Variants in CWC27 observed in about 807,000 individuals in gnomAD.
The protein encoded by CWC27 is CWC27 spliceosome associated cyclophilin, also known as spliceosome-associated protein CWC27 homolog.
Under a neutral mutation model 63.6 loss-of-function variants are expected in CWC27, and 47 were observed. The observed-to-expected ratio is 0.74, with a 90% CI of 0.58 to 0.94. The LOEUF is 0.94. Among genes scored for constraint, CWC27 ranks in the 40% least tolerant of loss-of-function variants. The pLI, the probability that CWC27 is intolerant of heterozygous loss-of-function variation, is 0.00. For synonymous variants in CWC27, 175 were observed against 179.8 expected, an observed-to-expected ratio of 0.97 and a Z score of 0.22; for missense variants, 495 against 554.3, an observed-to-expected ratio of 0.89 and a Z score of 1.07.
At chr5:64,885,799 T>G (rs956724454) in intron 11 of CWC27, among the ~76,000 whole-genome samples, 3 of 150,622 alleles carry the variant, frequency 2.0e-5, no homozygotes, top group African/African-American at 7.3e-5. Flanking sequence ...GAAATTTGTC[T>G]AAGAAGTAAA....
intron 11 of CWC27, among the ~76,000 whole-genome samples, chr5:64,929,385 G>A (rs181096442): frequency 1.6e-4 from 25 of 152,200 alleles, no homozygotes; most frequent in South Asian, 1.5e-3. Context: ...GGGAGAGGGC[G>A]GAAGAGTGCT....
chr5:64,969,133 C>T (rs144499124), intron 11 of CWC27, among the ~76,000 whole-genome samples: 2 of 152,226 alleles, frequency 1.3e-5, no homozygotes, highest in African/African-American at 4.8e-5. Context: ...CAAGAAGATG[C>T]GTGTGAAACA....
At chr5:65,014,866 G>T (rs2968206) in intron 13 of CWC27, among the ~76,000 whole-genome samples, 131,324 of 152,186 alleles carry the variant, frequency 0.86, 56,818 homozygotes, top group African/African-American at 0.93. Flanking sequence ...GATTATGCTT[G>T]TATTTCTATT....
chr5:64,942,147 T>C (rs1264128933), intron 11 of CWC27, among the ~76,000 whole-genome samples: 3 of 151,996 alleles, frequency 2.0e-5, no homozygotes, highest in Non-Finnish European at 2.9e-5. Flanking sequence ...AAATATTGCC[T>C]GGGTGCAATG....
At chr5:64,905,789 A>G (rs939001850) in intron 11 of CWC27, among the ~76,000 whole-genome samples, 3 of 151,700 alleles carry the variant, frequency 2.0e-5, no homozygotes, top group African/African-American at 7.3e-5. Flanking sequence ...TTAACTTGTC[A>G]TTTATGTTAG....
At chr5:64,963,126 T>A in intron 11 of CWC27, among the ~76,000 whole-genome samples, 1 of 151,474 alleles carries the variant, frequency 6.6e-6, no homozygotes, top group Admixed American at 6.6e-5. Flanking sequence ...CCCAGCTAAT[T>A]TTTTTTTGTA....
intron 10 of CWC27, among the ~76,000 whole-genome samples, chr5:64,806,688 AAATC>A (rs1744684918): frequency 6.6e-6 from 1 of 152,132 alleles, no homozygotes; most frequent in Non-Finnish European, 1.5e-5. Flanking sequence ...AAAGTTGCCA[AAATC>A]AGACCCTGGC....
chr5:64,810,955 A>C (rs1027771743), intron 10 of CWC27, among the ~76,000 whole-genome samples: 45 of 152,172 alleles, frequency 3.0e-4, no homozygotes, highest in Admixed American at 4.6e-4. Context: ...TTAGAGAAAG[A>C]AAATAAGATA....
At chr5:64,850,895 A>AT (rs1260442600) in intron 10 of CWC27, among the ~76,000 whole-genome samples, 3 of 151,998 alleles carry the variant, frequency 2.0e-5, no homozygotes, top group Non-Finnish European at 4.4e-5. Flanking sequence ...GGCTATCAAA[A>AT]AAAAGTAAAG....
intron 10 of CWC27, among the ~76,000 whole-genome samples, chr5:64,847,563 C>A (rs1188040221): frequency 6.6e-6 from 1 of 152,110 alleles, no homozygotes; most frequent in Non-Finnish European, 1.5e-5. Context: ...TTAAAACATT[C>A]CGTTCAACAG....
intron 11 of CWC27, among the ~76,000 whole-genome samples, chr5:64,960,463 G>A (rs1386486736): frequency 6.6e-6 from 1 of 151,962 alleles, no homozygotes; most frequent in East Asian, 1.9e-4. Context: ...TAATTGAAAT[G>A]TTAAATGTTA....
intron 11 of CWC27, among the ~76,000 whole-genome samples, chr5:64,888,233 G>A (rs1431949568): frequency 6.7e-6 from 1 of 148,172 alleles, no homozygotes; most frequent in African/African-American, 2.5e-5. Context: ...GCCAAAGCTG[G>A]AAAAATTTGA....
chr5:64,929,144 T>C (rs2112399988), intron 11 of CWC27, among the ~76,000 whole-genome samples: 1 of 152,194 alleles, frequency 6.6e-6, no homozygotes, highest in East Asian at 1.9e-4. Context: ...TGGGAATGGA[T>C]TGGTATATGT....
At chr5:65,012,092 C>A (rs1749971138) in intron 13 of CWC27, among the ~76,000 whole-genome samples, 1 of 152,120 alleles carries the variant, frequency 6.6e-6, no homozygotes, top group Non-Finnish European at 1.5e-5. Context: ...GGATTCATGT[C>A]TTTTTATGGT....
chr5:64,876,437 A>G (rs1280291409), intron 10 of CWC27, among the ~76,000 whole-genome samples: 1 of 152,112 alleles, frequency 6.6e-6, no homozygotes, highest in South Asian at 2.1e-4. Flanking sequence ...ATGTTGGGAA[A>G]TAGCAGGCTT....
At chr5:64,800,495 G>C (rs758501572) in intron 8 of CWC27, among the ~76,000 whole-genome samples, 168 bp downstream of exon 8, 19 of 152,176 alleles carry the variant, frequency 1.2e-4, no homozygotes, top group Non-Finnish European at 2.1e-4. Flanking sequence ...GCTTGATAGA[G>C]AGAAACAAAC....
chr5:64,925,567 A>G (rs2112395625), intron 11 of CWC27, among the ~76,000 whole-genome samples: 1 of 152,314 alleles, frequency 6.6e-6, no homozygotes. Flanking sequence ...AAAGGCTCTT[A>G]TTGGCCAGTG....
At chr5:64,961,249 G>A (rs562521274) in intron 11 of CWC27, among the ~76,000 whole-genome samples, 1 of 152,276 alleles carries the variant, frequency 6.6e-6, no homozygotes, top group South Asian at 2.1e-4. Flanking sequence ...ACTCACATGA[G>A]ACACTAGCTA....
chr5:64,842,194 A>G (rs534515329), intron 10 of CWC27, among the ~76,000 whole-genome samples: 2 of 152,290 alleles, frequency 1.3e-5, no homozygotes, highest in South Asian at 4.1e-4. Flanking sequence ...ATTTAGTACT[A>G]TCGGGTCCTA....
Sources: allele counts gnomAD v4.1 joint callset (sites outside exome capture counted in the v4.1 genomes callset), GRCh38; gene constraint gnomAD v4.1.1; transcripts MANE v1.5; gene names NCBI Gene and HGNC (gene_info 2026-07-23, HGNC 2026-07-21).